BFSP2: variants seen among roughly 807,000 people sequenced by gnomAD.
BFSP2 encodes the protein phakinin.
Under a neutral mutation model 44.9 loss-of-function variants are expected in BFSP2, and 38 were observed. That is an observed-to-expected ratio of 0.85 (90% CI 0.65 to 1.11). BFSP2 has a LOEUF of 1.11. BFSP2 is among the 50% of genes least tolerant of loss of function. BFSP2 has a pLI of 0.00. For synonymous variants in BFSP2, 197 were observed against 209.9 expected (o/e 0.94, Z 0.53); for missense variants, 525 against 533.0 (o/e 0.99, Z 0.15).
intron 1 of BFSP2, among the ~76,000 whole-genome samples, chr3:133,405,865 A>G (rs1214548884): frequency 1.3e-5 from 2 of 152,192 alleles, no homozygotes; most frequent in African/African-American, 4.8e-5. Flanking sequence ...TGGAAGAAAT[A>G]TTTTGATGGG....
intron 1 of BFSP2, among the ~76,000 whole-genome samples, chr3:133,436,055 T>C (rs2073778102): frequency 6.6e-6 from 1 of 152,184 alleles, no homozygotes. Flanking sequence ...TATGAGTTTA[T>C]TTTGGTGCAA....
At chr3:133,455,042 C>T (rs1290504871) in intron 4 of BFSP2, among the ~76,000 whole-genome samples, 1 of 152,244 alleles carries the variant, frequency 6.6e-6, no homozygotes, top group Non-Finnish European at 1.5e-5. Flanking sequence ...ATGTGTGGAG[C>T]TTTCAGCTCC....
chr3:133,447,272 C>T (rs377554002), intron 1 of BFSP2, 45 bp from the exon 2 acceptor site: 96 of 1,602,666 alleles, frequency 6.0e-5, no homozygotes, highest in Middle Eastern at 5.5e-4. Context: ...GTGATCTTGA[C>T]GCTCCCAGTG....
intron 2 of BFSP2, 92 bp downstream of exon 2, chr3:133,447,491 C>T (rs1188166774): frequency 1.6e-6 from 2 of 1,288,620 alleles, no homozygotes; most frequent in Non-Finnish European, 1.1e-6. Context: ...GCATCATCCA[C>T]CTTCTACCTC....
At chr3:133,464,897 G>A (rs2074094795) in intron 4 of BFSP2, among the ~76,000 whole-genome samples, 1 of 152,108 alleles carries the variant, frequency 6.6e-6, no homozygotes, top group Non-Finnish European at 1.5e-5. Flanking sequence ...TTCTCCTTCA[G>A]CGACTCCAAA....
At chr3:133,473,516 G>A (rs1304569232) in intron 6 of BFSP2, among the ~76,000 whole-genome samples, 1 of 146,746 alleles carries the variant, frequency 6.8e-6, no homozygotes, top group Non-Finnish European at 1.5e-5. Context: ...AGGGGGATTT[G>A]GCAGGGTCAT....
At chr3:133,471,536 GTA>G (rs1477042466) in intron 5 of BFSP2, among the ~76,000 whole-genome samples, 1 of 152,214 alleles carries the variant, frequency 6.6e-6, no homozygotes, top group Admixed American at 6.5e-5. Context: ...TGAGGTCTGA[GTA>G]TATGTTTCCA....
intron 4 of BFSP2, among the ~76,000 whole-genome samples, chr3:133,464,220 G>A (rs965640107): frequency 1.3e-5 from 2 of 152,172 alleles, no homozygotes; most frequent in Admixed American, 6.5e-5. Context: ...CCTGAGTTTG[G>A]GGAAGATACC....
chr3:133,459,697 T>A (rs532401771), intron 4 of BFSP2, among the ~76,000 whole-genome samples: 1 of 152,368 alleles, frequency 6.6e-6, no homozygotes, highest in South Asian at 2.1e-4. Context: ...CTGGATGGCA[T>A]CCAGCCTTCT....
At chr3:133,418,886 G>T (rs185259815) in intron 1 of BFSP2, among the ~76,000 whole-genome samples, 42 of 152,266 alleles carry the variant, frequency 2.8e-4, no homozygotes, top group African/African-American at 1.0e-3. Flanking sequence ...GTCTTAATTT[G>T]GGCCTCTCCA....
At chr3:133,467,102 CCAAGGATCATCAGATA>C in intron 5 of BFSP2, 143 bp downstream of exon 5, 1 of 1,175,964 alleles carries the variant, frequency 8.5e-7, no homozygotes, top group East Asian at 2.6e-5. Flanking sequence ...CTTCTGACTC[CCAAGGATCATCAGATA>C]CTGAATCACA....
chr3:133,463,448 G>A (rs1217698136), intron 4 of BFSP2, among the ~76,000 whole-genome samples: 1 of 152,236 alleles, frequency 6.6e-6, no homozygotes, highest in African/African-American at 2.4e-5. Flanking sequence ...GCATGCTTCT[G>A]GGATCTTTCA....
chr3:133,438,976 G>A (rs1488315101), intron 1 of BFSP2, among the ~76,000 whole-genome samples: 2 of 152,224 alleles, frequency 1.3e-5, no homozygotes, highest in African/African-American at 4.8e-5. Flanking sequence ...AGACAGGTGT[G>A]AGTTAAGTTC....
chr3:133,425,180 A>C (rs2073632340), intron 1 of BFSP2, among the ~76,000 whole-genome samples: 1 of 152,178 alleles, frequency 6.6e-6, no homozygotes, highest in African/African-American at 2.4e-5. Flanking sequence ...ATGGTCATTC[A>C]TGAGATTTTT....
intron 4 of BFSP2, among the ~76,000 whole-genome samples, chr3:133,463,216 G>A (rs2074079899): frequency 6.6e-6 from 1 of 152,170 alleles, no homozygotes; most frequent in African/African-American, 2.4e-5. Flanking sequence ...GGCTGAGGCA[G>A]GAGAATTGCT....
chr3:133,451,380 T>A (rs1183222186), intron 4 of BFSP2, among the ~76,000 whole-genome samples: 1 of 152,186 alleles, frequency 6.6e-6, no homozygotes, highest in African/African-American at 2.4e-5. Flanking sequence ...CCAAAAAATA[T>A]TCTCTGTAAA....
chr3:133,444,673 C>T (rs2073880344), intron 1 of BFSP2, among the ~76,000 whole-genome samples: 1 of 152,020 alleles, frequency 6.6e-6, no homozygotes, highest in African/African-American at 2.4e-5. Flanking sequence ...AATTGTTTTC[C>T]CTCACTCTCC....
intron 6 of BFSP2, among the ~76,000 whole-genome samples, chr3:133,472,843 C>T (rs1188315764): frequency 6.6e-6 from 1 of 152,010 alleles, no homozygotes; most frequent in Non-Finnish European, 1.5e-5. Context: ...ATACCTAGGA[C>T]GTACATAATA....
intron 1 of BFSP2, among the ~76,000 whole-genome samples, chr3:133,421,744 A>T (rs1244204315): frequency 6.6e-6 from 1 of 152,260 alleles, no homozygotes; most frequent in East Asian, 1.9e-4. Context: ...TCATTTAAAA[A>T]TGTTGCAGAA....
Sources: allele counts gnomAD v4.1 joint callset (sites outside exome capture counted in the v4.1 genomes callset), GRCh38; gene constraint gnomAD v4.1.1; transcripts MANE v1.5; gene names NCBI Gene and HGNC (gene_info 2026-07-23, HGNC 2026-07-21).